Variants in FAT3 observed in about 807,000 individuals in gnomAD.
FAT3 encodes the protein FAT atypical cadherin 3.
Under a neutral mutation model 310.2 loss-of-function variants are expected in FAT3, and 95 were observed. The observed-to-expected ratio is 0.31, with a 90% CI of 0.26 to 0.36. The LOEUF is 0.36. Ranked by LOEUF, FAT3 falls within the 10% of genes least tolerant of loss-of-function variation. The probability of loss-of-function intolerance (pLI) is 1.00; values close to 1 mark genes in which losing one functional copy is unlikely to be tolerated. For missense variants in FAT3, 5,408 were observed against 5,715.6 expected, an observed-to-expected ratio of 0.95 and a Z score of 1.74; for synonymous variants, 2,314 against 2,192.9, an observed-to-expected ratio of 1.06 and a Z score of -1.54.
chr11:92,664,036 A>G (rs1942879266), intron 3 of FAT3, among the ~76,000 whole-genome samples: 1 of 152,030 alleles, frequency 6.6e-6, no homozygotes, highest in Admixed American at 6.6e-5. Context: ...AAACACACAC[A>G]CACAAAACCG....
At chr11:92,305,969 G>A (rs939015212) in intron 1 of FAT3, among the ~76,000 whole-genome samples, 1 of 152,134 alleles carries the variant, frequency 6.6e-6, no homozygotes, top group Non-Finnish European at 1.5e-5. Flanking sequence ...TCATTGTTAT[G>A]TAGTTACGTA....
intron 2 of FAT3, among the ~76,000 whole-genome samples, chr11:92,423,751 C>A (rs963382971): frequency 2.0e-5 from 3 of 152,154 alleles, no homozygotes; most frequent in African/African-American, 7.2e-5. Flanking sequence ...AGCAGGCCAG[C>A]AGGCTGGCCA....
intron 2 of FAT3, among the ~76,000 whole-genome samples, chr11:92,364,986 A>G (rs1948978778): frequency 6.6e-6 from 1 of 152,258 alleles, no homozygotes; most frequent in African/African-American, 2.4e-5. Context: ...AAGGCCAAGC[A>G]CAGCAGCTCA....
intron 2 of FAT3, among the ~76,000 whole-genome samples, chr11:92,376,394 A>C (rs530855567): frequency 6.6e-6 from 1 of 152,294 alleles, no homozygotes; most frequent in African/African-American, 2.4e-5. Flanking sequence ...GAGGGAAATA[A>C]CAGTGGGAAA....
chr11:92,799,981 A>G lies in FAT3; in HGVS notation c.6968A>G (p.His2323Arg). Residue 2323 changes from histidine to arginine, a missense_variant, in exon 10 of 28, where the codon CAT (histidine) becomes CGT (arginine). By Grantham distance (29) the His-to-Arg change is conservative. Around this residue, in one of 5 missense-constraint regions of FAT3, gnomAD observed 4,588 missense variants for 4,809.8 expected, o/e 0.95. Coordinates refer to ENST00000525166, the MANE Select transcript of FAT3 (RefSeq NM_001367949.2). Reference sequence around the variant, plus strand: ...GACTCAGAAAACAATAAAATGGTACATTATCAGATTGTCCAGGATACCTAC... The same window carrying G: ...GACTCAGAAAACAATAAAATGGTACGTTATCAGATTGTCCAGGATACCTAC... ...DADSENNKMVHYQIVQDTYNS... is the reference protein window; with the variant it reads ...DADSENNKMVRYQIVQDTYNS... The G allele has an allele frequency of 1.9e-6, 3 of 1,613,690 alleles. No homozygotes were observed. The highest frequency in any genetic ancestry group is 2.5e-6 in the Non-Finnish European group (3 of 1,179,754).
At chr11:92,595,280 C>G (rs1467121124) in intron 3 of FAT3, among the ~76,000 whole-genome samples, 3 of 152,098 alleles carry the variant, frequency 2.0e-5, no homozygotes, top group Non-Finnish European at 2.9e-5. Context: ...ACATCCCCAT[C>G]AAGGCTTCTC....
intron 4 of FAT3, among the ~76,000 whole-genome samples, chr11:92,745,632 A>C (rs980601584): frequency 2.0e-5 from 3 of 150,356 alleles, no homozygotes; most frequent in Non-Finnish European, 3.0e-5. Context: ...GAAATACTTT[A>C]TTTCCTAAAG....
At chr11:92,415,668 A>T (rs1413793610) in intron 2 of FAT3, among the ~76,000 whole-genome samples, 3 of 152,132 alleles carry the variant, frequency 2.0e-5, no homozygotes, top group Non-Finnish European at 4.4e-5. Context: ...ATTTGCCAGC[A>T]GATGGTTCAA....
chr11:92,317,717 A>G (rs1270304598), intron 1 of FAT3, among the ~76,000 whole-genome samples: 1 of 152,142 alleles, frequency 6.6e-6, no homozygotes, highest in African/African-American at 2.4e-5. Context: ...AGAATTACAT[A>G]ATGTGTAGGA....
intron 4 of FAT3, among the ~76,000 whole-genome samples, chr11:92,730,056 A>G (rs1278454083): frequency 6.6e-6 from 1 of 152,120 alleles, no homozygotes; most frequent in Non-Finnish European, 1.5e-5. Flanking sequence ...ATTAAAATTA[A>G]TGTATTTGGG....
chr11:92,742,568 G>A (rs184537316), intron 4 of FAT3, among the ~76,000 whole-genome samples: 5 of 152,362 alleles, frequency 3.3e-5, no homozygotes, highest in African/African-American at 1.2e-4. Context: ...GATTAGGTTA[G>A]AGGGCTGTGC....
intron 13 of FAT3, among the ~76,000 whole-genome samples, chr11:92,815,085 TA>T (rs563123228): frequency 7.8e-4 from 119 of 152,272 alleles, no homozygotes; most frequent in South Asian, 5.0e-3. Context: ...GCCACTTAAT[TA>T]AACAGATGGA....
chr11:92,559,241 A>G (rs1453078326), intron 3 of FAT3, among the ~76,000 whole-genome samples: 2 of 152,204 alleles, frequency 1.3e-5, no homozygotes, highest in East Asian at 3.9e-4. Flanking sequence ...AACCTTCACC[A>G]CAATGTATTT....
At chr11:92,255,240 G>A (rs1865270697) in intron 1 of FAT3, among the ~76,000 whole-genome samples, 1 of 151,398 alleles carries the variant, frequency 6.6e-6, no homozygotes, top group African/African-American at 2.4e-5. Context: ...TGGGTTTGTA[G>A]CAGTGATCCT....
In FAT3 at chr11:92,466,953, G is replaced by C. The variant is rs1171206333; in HGVS notation, c.3293-57681G>C. On this transcript the variant is annotated intron_variant, in intron 2 of 27. Coordinates refer to ENST00000525166, the MANE Select transcript of FAT3 (RefSeq NM_001367949.2). Reference sequence around the variant, plus strand: ...CTGCATAGTATTCCATGGTGTATATGTGCCACATTTTCTTAATCCAGTCTA... The same window carrying C: ...CTGCATAGTATTCCATGGTGTATATCTGCCACATTTTCTTAATCCAGTCTA... Among the ~76,000 whole-genome samples, 4 of 152,004 alleles carry C rather than the reference G, an allele frequency of 2.6e-5. No individual in the cohort carries two copies. In the East Asian group the frequency reaches 7.7e-4, roughly 29 times the overall value.
In FAT3 at chr11:92,460,706, T is replaced by A. The variant is rs1291738486; in HGVS notation, c.3293-63928T>A. ...AGCATCCCACTGCAAGAGAGTGACT[T>A]TCATACCCTGCAGAAACATACTCAC... On this transcript the variant is annotated intron_variant, in intron 2 of 27. Coordinates refer to ENST00000525166, the MANE Select transcript of FAT3 (RefSeq NM_001367949.2). 7.9e-5 allele frequency among the ~76,000 whole-genome samples: 12 copies of A among 152,172 alleles called. 1 individual carries two copies. Among genetic ancestry groups the A allele is most frequent in the Admixed American group, 7.9e-4 (12 of 15,278 alleles).
intron 4 of FAT3, 58 bp downstream of exon 4, chr11:92,697,503 A>G: frequency 6.7e-7 from 1 of 1,493,730 alleles, no homozygotes; most frequent in Non-Finnish European, 9.3e-7. Context: ...AACTTCTTTA[A>G]CCTTCAACAT....
intron 22 of FAT3, among the ~76,000 whole-genome samples, chr11:92,872,082 G>T (rs1949407049): frequency 6.6e-6 from 1 of 152,160 alleles, no homozygotes. Context: ...CTAGGCAATT[G>T]TGAGTATTCT....
At chr11:92,868,934 T>A (rs772441053) in intron 22 of FAT3, among the ~76,000 whole-genome samples, 4 of 152,212 alleles carry the variant, frequency 2.6e-5, no homozygotes, top group Non-Finnish European at 4.4e-5. Flanking sequence ...GATGACCCAC[T>A]TGCCATATAC....
Sources: allele counts gnomAD v4.1 joint callset (sites outside exome capture counted in the v4.1 genomes callset), GRCh38; gene constraint gnomAD v4.1.1; regional missense constraint gnomAD v4.1.1; transcripts MANE v1.5; gene names NCBI Gene and HGNC (gene_info 2026-07-23, HGNC 2026-07-21).